TNFRSF19: variants seen among roughly 807,000 people sequenced by gnomAD.
The protein encoded by TNFRSF19 is tumor necrosis factor receptor superfamily member 19.
In TNFRSF19, 27 loss-of-function variants were observed where a neutral mutation model predicts 46.4. The observed-to-expected ratio is 0.58, with a 90% CI of 0.43 to 0.80. The LOEUF (loss-of-function observed/expected upper bound fraction) is 0.80. Among genes scored for constraint, TNFRSF19 ranks in the 30% least tolerant of loss-of-function variants. The pLI is 0.00. For missense variants in TNFRSF19, 511 were observed against 530.8 expected, an observed-to-expected ratio of 0.96 and a Z score of 0.37; for synonymous variants, 204 against 205.0, an observed-to-expected ratio of 1.00 and a Z score of 0.04.
rs892519038 is a variant in TNFRSF19, at chr13:23,574,110, T to A, written c.-35+3262T>A. On this transcript the variant is annotated intron_variant, in intron 1 of 9. Coordinates refer to ENST00000248484, the MANE Select transcript of TNFRSF19 (RefSeq NM_148957.4). ...ATCTATCTATATCTTGTGTGAAAAA[T>A]TTTAATTTAGTTACTAATAAAATTT... 8.0e-5 allele frequency among the ~76,000 whole-genome samples: 12 copies of A among 149,774 alleles called. No homozygotes were observed. In the East Asian group the frequency reaches 2.4e-3, roughly 30 times the overall value.
chr13:23,654,304 C>G (rs979588238), intron 5 of TNFRSF19, among the ~76,000 whole-genome samples: 10 of 152,194 alleles, frequency 6.6e-5, no homozygotes, highest in African/African-American at 2.4e-4. Context: ...ACTGCCTGTG[C>G]ACATCCTTTC....
At chr13:23,660,133 T>C (rs1156271844) in intron 6 of TNFRSF19, among the ~76,000 whole-genome samples, 1 of 152,212 alleles carries the variant, frequency 6.6e-6, no homozygotes, top group Non-Finnish European at 1.5e-5. Flanking sequence ...GGCTGTGATG[T>C]CCCTGCGCCA....
intron 4 of TNFRSF19, among the ~76,000 whole-genome samples, chr13:23,616,898 A>AG (rs1881337522): frequency 6.6e-6 from 1 of 152,190 alleles, no homozygotes; most frequent in South Asian, 2.1e-4. Flanking sequence ...GTTTTAAAAA[A>AG]TATTTAAATA....
chr13:23,667,619 C>T (rs919707324), intron 7 of TNFRSF19, among the ~76,000 whole-genome samples: 35 of 152,136 alleles, frequency 2.3e-4, no homozygotes, highest in Non-Finnish European at 5.9e-5. Flanking sequence ...AGTTCAGTGG[C>T]GTTAAGTACA....
intron 5 of TNFRSF19, among the ~76,000 whole-genome samples, chr13:23,650,879 A>G (rs1883588489): frequency 6.6e-6 from 1 of 152,250 alleles, no homozygotes; most frequent in East Asian, 1.9e-4. Context: ...TATAAAAAAC[A>G]TAAATGACGA....
chr13:23,601,225 A>G lies in TNFRSF19; in HGVS notation c.180+7770A>G, dbSNP rs181167466. ...TTGCAAATTGCAGAAAAACAAAGAA[A>G]AAACCCTCCAAGAAACTAGAGGGAA... On this transcript the variant is annotated intron_variant, in intron 3 of 9. Transcript: ENST00000248484. Among the ~76,000 whole-genome samples the G allele has an allele frequency of 3.4e-4, 52 of 152,324 alleles. 1 individual carries two copies. The highest frequency in any genetic ancestry group is 3.2e-3 in the Admixed American group (49 of 15,298).
chr13:23,594,455 G>C, intron 3 of TNFRSF19: 1 of 242,292 alleles, frequency 4.1e-6, no homozygotes, highest in Middle Eastern at 1.8e-3. Flanking sequence ...TGAGTAGGTG[G>C]TTTTCCCCTC....
intron 5 of TNFRSF19, among the ~76,000 whole-genome samples, chr13:23,639,381 A>C (rs113962820): frequency 1.2e-4 from 19 of 152,300 alleles, no homozygotes; most frequent in Admixed American, 9.2e-4. Context: ...CAACAGAGCA[A>C]GGCTCCATCT....
intron 5 of TNFRSF19, among the ~76,000 whole-genome samples, chr13:23,651,893 T>TCAA (rs1883671088): frequency 2.0e-4 from 2 of 9,966 alleles, no homozygotes; most frequent in Admixed American, 1.7e-3. Flanking sequence ...CATAACATGC[T>TCAA]AAAAAAAAAA....
At chr13:23,627,279 T>A (rs906825228) in intron 5 of TNFRSF19, among the ~76,000 whole-genome samples, 2 of 152,174 alleles carry the variant, frequency 1.3e-5, no homozygotes, top group African/African-American at 4.8e-5. Context: ...CTTCATCCAT[T>A]CCTTCTTTTC....
chr13:23,661,109 G>A (rs1399196603), intron 7 of TNFRSF19, among the ~76,000 whole-genome samples: 1 of 152,134 alleles, frequency 6.6e-6, no homozygotes, highest in Admixed American at 6.6e-5. Flanking sequence ...TAGGTAAACT[G>A]ATGTTACACG....
chr13:23,605,182 A>G lies in TNFRSF19; in HGVS notation c.181-10685A>G, dbSNP rs1880426207. On this transcript the variant is annotated intron_variant, in intron 3 of 9. Transcript: ENST00000248484. Reference sequence around the variant, plus strand: ...ACAAACACCTCACCAAAGAAGATACACAGATGGCAAATAAGCATATGAAAA... The same window carrying G: ...ACAAACACCTCACCAAAGAAGATACGCAGATGGCAAATAAGCATATGAAAA... Among the ~76,000 whole-genome samples the G allele has an allele frequency of 2.0e-5, 3 of 152,232 alleles. 1 individual carries two copies. Among genetic ancestry groups the G allele is most frequent in the South Asian group, 4.1e-4 (2 of 4,836 alleles).
rs147336976 is a variant in TNFRSF19, at chr13:23,582,013, G to C, written c.-34-8137G>C. On this transcript the variant is annotated intron_variant, in intron 1 of 9. Coordinates refer to ENST00000248484, the MANE Select transcript of TNFRSF19 (RefSeq NM_148957.4). ...ACTCCCAATAAATACATTGATAGCT[G>C]CCTATGTGATAAGAGAGCCAGGGAA... Among the ~76,000 whole-genome samples, 69 of 152,284 alleles carry C rather than the reference G, an allele frequency of 4.5e-4. No homozygotes were observed. The East Asian group carries it at 0.01, about 22-fold the overall frequency.
At chr13:23,624,900 A>T (rs1304905962) in intron 4 of TNFRSF19, among the ~76,000 whole-genome samples, 1 of 151,464 alleles carries the variant, frequency 6.6e-6, no homozygotes, top group East Asian at 1.9e-4. Flanking sequence ...ATAGGCGCCC[A>T]CCACCATGCC....
At chr13:23,617,557 A>G (rs1340149473) in intron 4 of TNFRSF19, among the ~76,000 whole-genome samples, 1 of 152,216 alleles carries the variant, frequency 6.6e-6, no homozygotes, top group Non-Finnish European at 1.5e-5. Context: ...TTAGAGCTTA[A>G]TGGAGATAGA....
intron 5 of TNFRSF19, among the ~76,000 whole-genome samples, chr13:23,634,787 G>A (rs1566200666): frequency 6.6e-6 from 1 of 152,202 alleles, no homozygotes; most frequent in Non-Finnish European, 1.5e-5. Context: ...CCTGCACCGT[G>A]TGGGAAAACA....
intron 4 of TNFRSF19, among the ~76,000 whole-genome samples, chr13:23,621,332 A>G (rs1251052964): frequency 6.6e-6 from 1 of 152,198 alleles, no homozygotes; most frequent in Non-Finnish European, 1.5e-5. Context: ...GTTCACCTTC[A>G]GATAAGGGGC....
chr13:23,674,845 G>A lies in TNFRSF19; in HGVS notation c.*1465G>A, dbSNP rs1477105628. ...TTTTATCTTCTCATGTATTATCCATGGTTTTCTCTGTTTGTGACAGATTAG... is the reference window on the plus strand; with the variant it reads ...TTTTATCTTCTCATGTATTATCCATAGTTTTCTCTGTTTGTGACAGATTAG... On this transcript the variant is annotated 3_prime_UTR_variant, in exon 10 of 10. Transcript: ENST00000248484. The A allele has an allele frequency of 4.6e-5, 7 of 152,104 alleles. No individual in the cohort carries two copies. The highest frequency in any genetic ancestry group is 1.7e-4 in the African/African-American group (7 of 41,404). 9.4% of individuals were successfully genotyped at this position (152,104 alleles called of 1,614,324 possible). A position where few individuals can be genotyped will look rare whatever the true frequency, so the allele number is the denominator to read the frequency against.
In TNFRSF19 at chr13:23,614,769, A is replaced by ATATG. The variant is rs59907466; in HGVS notation, c.181-1098_181-1097insTATG. Among the ~76,000 whole-genome samples, 47 of 147,222 alleles carry ATATG rather than the reference A, an allele frequency of 3.2e-4. 3 individuals carry two copies. Among genetic ancestry groups the ATATG allele is most frequent in the African/African-American group, 9.6e-4 (38 of 39,532 alleles). ...TACATATATATATATATATATATAT[A>ATATG]GTACCTGGCAGGCCCTGTAGTGTAG... On this transcript the variant is annotated intron_variant, in intron 3 of 9. Coordinates refer to ENST00000248484, the MANE Select transcript of TNFRSF19 (RefSeq NM_148957.4).
Sources: allele counts gnomAD v4.1 joint callset (sites outside exome capture counted in the v4.1 genomes callset), GRCh38; gene constraint gnomAD v4.1.1; transcripts MANE v1.5; gene names NCBI Gene and HGNC (gene_info 2026-07-23, HGNC 2026-07-21).